PPP1R9A: variants seen among roughly 807,000 people sequenced by gnomAD.
PPP1R9A encodes the protein neurabin-1.
A neutral mutation model predicts 141.9 loss-of-function variants in PPP1R9A; 59 were observed. The observed-to-expected ratio is 0.42, with a 90% CI of 0.34 to 0.52. The LOEUF is 0.52. PPP1R9A is among the 20% of genes least tolerant of loss of function. The pLI, the probability that PPP1R9A is intolerant of heterozygous loss-of-function variation, is 0.10. For missense variants in PPP1R9A, 1,444 were observed against 1,611.9 expected, an observed-to-expected ratio of 0.90 and a Z score of 1.78; for synonymous variants, 500 against 569.7, an observed-to-expected ratio of 0.88 and a Z score of 1.74.
rs1251735759 is a variant in PPP1R9A, at chr7:95,169,303, CAT to C, written c.1754+7333_1754+7334del. The stretch of plus-strand genomic sequence containing the variant: ...GCCAGACACAGAGAGACAACTATGA[CAT>C]GTTTTCAGTCCTATATAGGAGCTAA... On this transcript the variant is annotated intron_variant, in intron 5 of 19. Transcript: ENST00000433360. Among the ~76,000 whole-genome samples the C allele has an allele frequency of 5.9e-5, 9 of 151,964 alleles. No homozygotes were observed. In the East Asian group the frequency reaches 1.7e-3, roughly 29 times the overall value.
intron 2 of PPP1R9A, among the ~76,000 whole-genome samples, chr7:95,024,467 G>A (rs532089571): frequency 1.3e-5 from 2 of 152,202 alleles, no homozygotes; most frequent in Admixed American, 6.5e-5. Flanking sequence ...TCCTGTAGTG[G>A]GTGCATGTAT....
Position 95,087,624 on chromosome 7 carries a change from C to T in PPP1R9A, c.1396-23635C>T, listed in dbSNP as rs371521742. On this transcript the variant is annotated intron_variant, in intron 2 of 19. Transcript: ENST00000433360. The stretch of plus-strand genomic sequence containing the variant: ...ATAAGAAGAATCATGGGCCGGGTGC[C>T]GCTGGCTCACGCCTTTAATCCCAGC... Among the ~76,000 whole-genome samples, 60 of 152,032 alleles carry T rather than the reference C, an allele frequency of 3.9e-4. 1 individual carries two copies. In the East Asian group the frequency reaches 8.7e-3, roughly 22 times the overall value.
At chr7:95,080,228 A>G (rs1815581153) in intron 2 of PPP1R9A, among the ~76,000 whole-genome samples, 2 of 152,246 alleles carry the variant, frequency 1.3e-5, no homozygotes, top group African/African-American at 2.4e-5. Flanking sequence ...GCTGATAAGC[A>G]ACTTCAGCAA....
At chr7:95,032,591 C>A (rs900029684) in intron 2 of PPP1R9A, among the ~76,000 whole-genome samples, 2 of 152,118 alleles carry the variant, frequency 1.3e-5, no homozygotes, top group African/African-American at 4.8e-5. Context: ...TTATTATATT[C>A]TACCCCACAA....
At chr7:94,915,616 A>G (rs545511869) in intron 2 of PPP1R9A, among the ~76,000 whole-genome samples, 1 of 152,356 alleles carries the variant, frequency 6.6e-6, no homozygotes, top group African/African-American at 2.4e-5. Flanking sequence ...ACACAAATCC[A>G]GAAGCAAGAG....
At chr7:95,064,476 AC>A (rs1323962666) in intron 2 of PPP1R9A, among the ~76,000 whole-genome samples, 1 of 152,222 alleles carries the variant, frequency 6.6e-6, no homozygotes, top group Non-Finnish European at 1.5e-5. Context: ...AAAATCACCA[AC>A]AAAAAGCACA....
chr7:95,009,532 A>T (rs1371868648), intron 2 of PPP1R9A, among the ~76,000 whole-genome samples: 2 of 152,152 alleles, frequency 1.3e-5, no homozygotes, highest in African/African-American at 4.8e-5. Context: ...ATGCATCCTG[A>T]TGACTTGTAA....
chr7:94,982,359 C>T (rs1011425814), intron 2 of PPP1R9A, among the ~76,000 whole-genome samples: 18 of 152,132 alleles, frequency 1.2e-4, no homozygotes, highest in African/African-American at 4.3e-4. Context: ...ATCACTGGGT[C>T]AAATGGTATT....
At chr7:95,016,452 G>A (rs971478542) in intron 2 of PPP1R9A, among the ~76,000 whole-genome samples, 1 of 151,990 alleles carries the variant, frequency 6.6e-6, no homozygotes, top group African/African-American at 2.4e-5. Flanking sequence ...GAATGTAAAT[G>A]CAAGAATCTT....
At chr7:94,909,060 T>G (rs754708065) in intron 1 of PPP1R9A, among the ~76,000 whole-genome samples, 15 of 152,236 alleles carry the variant, frequency 9.9e-5, no homozygotes, top group Non-Finnish European at 1.3e-4. Context: ...AATCCTGCTG[T>G]GGGCTTAAAG....
intron 8 of PPP1R9A, among the ~76,000 whole-genome samples, chr7:95,241,700 A>T (rs1315520300): frequency 6.6e-6 from 1 of 152,122 alleles, no homozygotes; most frequent in Non-Finnish European, 1.5e-5. Context: ...TCTTGAAGAA[A>T]AAATGGAGTC....
chr7:95,225,373 C>T (rs952205783), intron 7 of PPP1R9A, among the ~76,000 whole-genome samples: 2 of 152,104 alleles, frequency 1.3e-5, no homozygotes, highest in African/African-American at 2.4e-5. Flanking sequence ...TGTAAATGTG[C>T]TAGGCAGGCA....
intron 9 of PPP1R9A, among the ~76,000 whole-genome samples, chr7:95,248,713 T>G (rs940769234): frequency 1.3e-4 from 20 of 152,144 alleles, no homozygotes; most frequent in Non-Finnish European, 5.9e-5. Context: ...ATACTATAAA[T>G]TAGCATTTTA....
chr7:95,106,043 C>A (rs868142809), intron 2 of PPP1R9A, among the ~76,000 whole-genome samples: 1 of 151,986 alleles, frequency 6.6e-6, no homozygotes, highest in Middle Eastern at 3.4e-3. Context: ...TCGTTTGAGG[C>A]CAAGAGATCA....
intron 18 of PPP1R9A, among the ~76,000 whole-genome samples, chr7:95,287,822 A>G (rs1222458555): frequency 6.6e-6 from 1 of 152,122 alleles, no homozygotes; most frequent in East Asian, 1.9e-4. Flanking sequence ...AATAACTGGG[A>G]TTACAGGCAT....
intron 2 of PPP1R9A, among the ~76,000 whole-genome samples, chr7:95,103,751 T>C (rs1202651180): frequency 6.6e-6 from 1 of 152,200 alleles, no homozygotes; most frequent in Non-Finnish European, 1.5e-5. Context: ...GACTTTGTCT[T>C]ATATATAGCA....
At chr7:94,916,976 G>T (rs1025260576) in intron 2 of PPP1R9A, among the ~76,000 whole-genome samples, 16 of 152,046 alleles carry the variant, frequency 1.1e-4, no homozygotes, top group Non-Finnish European at 2.2e-4. Context: ...AACTATTCCA[G>T]ACTAATTTTT....
At position 95,295,011 on chromosome 7, in the gene PPP1R9A, T is replaced by TGAG. The variant is rs1806906063; in HGVS notation, c.*4709_*4711dup. ...CCCAAAACTGCTAGGGATTCAACAG[T>TGAG]GAGTAAGATGTATGCAATAAGAGAA... On this transcript the variant is annotated 3_prime_UTR_variant, in exon 20 of 20. Transcript: ENST00000433360. 1 of 152,584 alleles carries TGAG rather than the reference T, an allele frequency of 6.6e-6. No individual in the cohort carries two copies. The highest frequency in any genetic ancestry group is 1.5e-5 in the Non-Finnish European group (1 of 68,032). The allele number at this position is 152,584 out of a possible 1,614,324, so 9.5% of individuals were successfully genotyped here.
intron 2 of PPP1R9A, among the ~76,000 whole-genome samples, chr7:94,992,311 T>G (rs1801615710): frequency 6.6e-6 from 1 of 152,214 alleles, no homozygotes. Context: ...GTATCAATAC[T>G]TTCTAACTTC....
Sources: allele counts gnomAD v4.1 joint callset (sites outside exome capture counted in the v4.1 genomes callset), GRCh38; gene constraint gnomAD v4.1.1; transcripts MANE v1.5; gene names NCBI Gene and HGNC (gene_info 2026-07-23, HGNC 2026-07-21).